The following TSPAN9 variants were observed in gnomAD, a reference collection of about 807,000 sequenced individuals.
The protein encoded by TSPAN9 is tetraspanin-9.
In TSPAN9, 16 loss-of-function variants were observed where a neutral mutation model predicts 31.0. The observed-to-expected ratio is 0.52, with a 90% CI of 0.35 to 0.78. The LOEUF is 0.78. TSPAN9 is among the 30% of genes least tolerant of loss of function. The probability of loss-of-function intolerance (pLI) is 0.01; values close to 1 mark genes in which losing one functional copy is unlikely to be tolerated. For synonymous variants in TSPAN9, 145 were observed against 121.6 expected (o/e 1.19, Z -1.27); for missense variants, 272 against 312.5 (o/e 0.87, Z 0.98).
At position 3,284,431 on chromosome 12, in the gene TSPAN9, T is replaced by A. The variant is rs572006953; in HGVS notation, c.*1315T>A. 61 of 152,466 alleles carry A rather than the reference T, an allele frequency of 4.0e-4. No individual in the cohort carries two copies. The highest frequency in any genetic ancestry group is 1.4e-3 in the African/African-American group (58 of 41,556). 9.4% of individuals were successfully genotyped at this position (152,466 alleles called of 1,614,324 possible). On this transcript the variant is annotated 3_prime_UTR_variant, in exon 9 of 9. Coordinates refer to ENST00000011898, the MANE Select transcript of TSPAN9 (RefSeq NM_006675.5). ...GTCCCAAGATCTTCGCCTCCTTCCCTGGGGCCACGGACATCAGCAGTGGGT... is the reference window on the plus strand; with the variant it reads ...GTCCCAAGATCTTCGCCTCCTTCCCAGGGGCCACGGACATCAGCAGTGGGT...
chr12:3,129,092 CAGATT>C (rs552301657), intron 2 of TSPAN9, among the ~76,000 whole-genome samples: 120 of 152,338 alleles, frequency 7.9e-4, no homozygotes, highest in Admixed American at 3.4e-3. Flanking sequence ...TAGCCTGTGT[CAGATT>C]TCCTCCCTTT....
chr12:3,145,311 G>A (rs1283507023), intron 2 of TSPAN9, among the ~76,000 whole-genome samples: 1 of 152,156 alleles, frequency 6.6e-6, no homozygotes, highest in Non-Finnish European at 1.5e-5. Context: ...CCAGTCCATG[G>A]TGCTCTTGTT....
At chr12:3,211,996 T>C (rs769264149) in intron 3 of TSPAN9, 192 of 846,012 alleles carry the variant, frequency 2.3e-4, no homozygotes, top group Non-Finnish European at 3.0e-4. Context: ...TTTTGAGATA[T>C]AATCTTTCTC....
rs145085112 is a variant in TSPAN9, at chr12:3,218,640, C to T, written c.63+17384C>T. On this transcript the variant is annotated intron_variant, in intron 3 of 8. Coordinates refer to ENST00000011898, the MANE Select transcript of TSPAN9 (RefSeq NM_006675.5). ...GGAATGGGGAGGAGGAGAGGAAAAA[C>T]GCAAAGGGGAAAGGAAGGAGAAGGC... Among the ~76,000 whole-genome samples, 722 of 152,172 alleles carry T rather than the reference C, an allele frequency of 4.7e-3. 2 individuals are homozygous for T. Among genetic ancestry groups the T allele is most frequent in the African/African-American group, 0.016 (656 of 41,516 alleles).
intron 3 of TSPAN9, among the ~76,000 whole-genome samples, chr12:3,262,630 T>C (rs145526290): frequency 1.4e-3 from 219 of 151,744 alleles, no homozygotes; most frequent in African/African-American, 5.2e-3. Context: ...CCTTACCGTG[T>C]AGGGGTGGGA....
chr12:3,211,612 CA>C, intron 3 of TSPAN9: 1 of 1,035,068 alleles, frequency 9.7e-7, no homozygotes, highest in Non-Finnish European at 1.4e-6. Context: ...TTTTTTTATC[CA>C]AAATGTGTTT....
chr12:3,212,449 A>G (rs4766074), intron 3 of TSPAN9, among the ~76,000 whole-genome samples: 1 of 151,672 alleles, frequency 6.6e-6, no homozygotes, highest in East Asian at 1.9e-4. Flanking sequence ...TTAAATTTTT[A>G]AATTTTTTGT....
At chr12:3,140,988 TG>T (rs1463112916) in intron 2 of TSPAN9, among the ~76,000 whole-genome samples, 2 of 134,238 alleles carry the variant, frequency 1.5e-5, no homozygotes, top group East Asian at 4.3e-4. Context: ...GGAAGGGCTG[TG>T]GGAAGTGTTG....
intron 2 of TSPAN9, among the ~76,000 whole-genome samples, chr12:3,166,985 CG>C (rs57898973): frequency 9.8e-4 from 149 of 151,736 alleles, no homozygotes; most frequent in African/African-American, 3.4e-3. Flanking sequence ...TTAGTAGAGA[CG>C]GGGTTTCACC....
chr12:3,114,215 A>G (rs2098320840), intron 2 of TSPAN9, among the ~76,000 whole-genome samples: 1 of 152,226 alleles, frequency 6.6e-6, no homozygotes, highest in Non-Finnish European at 1.5e-5. Flanking sequence ...GACACTACGT[A>G]AATGAATGCA....
At chr12:3,190,092 A>G (rs1052518396) in intron 2 of TSPAN9, among the ~76,000 whole-genome samples, 1 of 152,062 alleles carries the variant, frequency 6.6e-6, no homozygotes, top group Non-Finnish European at 1.5e-5. Flanking sequence ...CTGCTCACAC[A>G]CTGCCTTCTT....
At chr12:3,109,665 G>A (rs1164411907) in intron 2 of TSPAN9, among the ~76,000 whole-genome samples, 1 of 151,776 alleles carries the variant, frequency 6.6e-6, no homozygotes, top group Non-Finnish European at 1.5e-5. Context: ...GGGCATCGTG[G>A]CAGGCGCCTG....
At chr12:3,120,452 A>G (rs1193864691) in intron 2 of TSPAN9, among the ~76,000 whole-genome samples, 1 of 150,880 alleles carries the variant, frequency 6.6e-6, no homozygotes, top group African/African-American at 2.4e-5. Flanking sequence ...TGCTCTCCCC[A>G]CTCCTGTGCC....
chr12:3,214,642 A>G (rs1050289892), intron 3 of TSPAN9, among the ~76,000 whole-genome samples: 10 of 151,010 alleles, frequency 6.6e-5, no homozygotes, highest in Admixed American at 2.0e-4. Context: ...GGCCACAGCC[A>G]CAGCAGTCAG....
In TSPAN9 at chr12:3,234,040, CG is replaced by C. The variant is rs1325754787; in HGVS notation, c.63+32785del. On this transcript the variant is annotated intron_variant, in intron 3 of 8. Coordinates refer to ENST00000011898, the MANE Select transcript of TSPAN9 (RefSeq NM_006675.5). ...CGGGGATGAATGGAGCTTGTGTAAA[CG>C]TGGGTGTGTAGGGCTGAGACGTCCT... Among the ~76,000 whole-genome samples the C allele has an allele frequency of 5.3e-5, 8 of 152,292 alleles. No homozygotes were observed. The East Asian group carries it at 1.5e-3, about 29-fold the overall frequency.
intron 2 of TSPAN9, among the ~76,000 whole-genome samples, chr12:3,096,111 G>A (rs905235193): frequency 4.6e-5 from 7 of 152,144 alleles, no homozygotes; most frequent in African/African-American, 1.4e-4. Flanking sequence ...CCATCCTCCC[G>A]GCGGTCGGGC....
At chr12:3,221,262 G>A (rs1182919815) in intron 3 of TSPAN9, among the ~76,000 whole-genome samples, 1 of 152,010 alleles carries the variant, frequency 6.6e-6, no homozygotes, top group Non-Finnish European at 1.5e-5. Context: ...AAGCAAGGAT[G>A]AAACAGTCTT....
intron 1 of TSPAN9, among the ~76,000 whole-genome samples, chr12:3,080,143 T>C (rs2098297190): frequency 6.6e-6 from 1 of 152,122 alleles, no homozygotes; most frequent in Non-Finnish European, 1.5e-5. Context: ...TTGTGCAACC[T>C]TGGGCAATTT....
At chr12:3,202,478 C>A (rs751100121) in intron 3 of TSPAN9, among the ~76,000 whole-genome samples, 1 of 152,142 alleles carries the variant, frequency 6.6e-6, no homozygotes, top group Non-Finnish European at 1.5e-5. Context: ...GAATGACAAG[C>A]GCAGGAAGAA....
Sources: allele counts gnomAD v4.1 joint callset (sites outside exome capture counted in the v4.1 genomes callset), GRCh38; gene constraint gnomAD v4.1.1; transcripts MANE v1.5; gene names NCBI Gene and HGNC (gene_info 2026-07-23, HGNC 2026-07-21).